Variants in CIMAP2 observed in about 807,000 individuals in gnomAD.
CIMAP2 encodes ciliary microtubule associated protein 2.
the CIMAP2 span, among the ~76,000 whole-genome samples, chr1:54,840,573 T>C: frequency 3.9e-5 from 6 of 152,218 alleles, no homozygotes; most frequent in Non-Finnish European, 5.9e-5. Context: ...TATCTTGAAA[T>C]GGCTGGTCCA....
chr1:54,813,723 C>T, the CIMAP2 span: 2 of 1,380,126 alleles, frequency 1.4e-6, no homozygotes, highest in Non-Finnish European at 2.0e-6. Flanking sequence ...AAGTGATGCC[C>T]CATTGCTTTT....
chr1:54,835,169 T>C, the CIMAP2 span, among the ~76,000 whole-genome samples: 1 of 152,030 alleles, frequency 6.6e-6, no homozygotes, highest in African/African-American at 2.4e-5. Flanking sequence ...ATCTTTAAAA[T>C]GGACAAAGTG....
the CIMAP2 span, among the ~76,000 whole-genome samples, chr1:54,818,457 A>G: frequency 6.7e-6 from 1 of 148,420 alleles, no homozygotes; most frequent in Non-Finnish European, 1.5e-5. Context: ...TCTTGTCCTT[A>G]TCTACCCTAC....
the CIMAP2 span, among the ~76,000 whole-genome samples, chr1:54,824,087 T>G: frequency 0.2 from 30,261 of 152,098 alleles, 3,939 homozygotes; most frequent in African/African-American, 0.36. Context: ...AGTCATGCAA[T>G]CATGGCTCAG....
the CIMAP2 span, chr1:54,816,976 C>T: frequency 6.2e-7 from 1 of 1,614,154 alleles, no homozygotes. Context: ...CTGCCATCCT[C>T]TCCCTGTTGC....
At chr1:54,806,341 G>A in the CIMAP2 span, 3 of 1,050,924 alleles carry the variant, frequency 2.9e-6, no homozygotes, top group South Asian at 1.8e-5. Context: ...GAGCCTGGCG[G>A]GGAGGGGAAC....
chr1:54,827,762 C>T, the CIMAP2 span, among the ~76,000 whole-genome samples: 2 of 152,212 alleles, frequency 1.3e-5, no homozygotes, highest in Non-Finnish European at 2.9e-5. Flanking sequence ...AGCAGCTGCT[C>T]CTGCCTTGGC....
the CIMAP2 span, chr1:54,842,218 G>A: frequency 8.7e-6 from 3 of 346,372 alleles, no homozygotes; most frequent in East Asian, 1.7e-4. Flanking sequence ...AAGCCAGAGT[G>A]CTTGGCTCCT....
At chr1:54,817,183 TG>T in the CIMAP2 span, 1 of 1,592,720 alleles carries the variant, frequency 6.3e-7, no homozygotes. Flanking sequence ...TACTCTGGGG[TG>T]GGCTGGTGGT....
the CIMAP2 span, chr1:54,807,066 C>T: frequency 3.2e-5 from 51 of 1,613,620 alleles, no homozygotes; most frequent in African/African-American, 2.8e-4. Flanking sequence ...ATACTCCACG[C>T]GTTATTCTAC....
At chr1:54,813,748 G>T in the CIMAP2 span, 1 of 1,495,012 alleles carries the variant, frequency 6.7e-7, no homozygotes, top group South Asian at 1.4e-5. Flanking sequence ...GGTTGCGGGG[G>T]AGGGTTGAGA....
the CIMAP2 span, among the ~76,000 whole-genome samples, chr1:54,833,135 T>G: frequency 2.0e-5 from 3 of 152,160 alleles, no homozygotes; most frequent in Non-Finnish European, 2.9e-5. Context: ...CAGGAGCCAG[T>G]CTGATTGCGG....
the CIMAP2 span, chr1:54,806,937 C>T: frequency 5.3e-6 from 8 of 1,510,502 alleles, no homozygotes; most frequent in Non-Finnish European, 7.4e-6. Flanking sequence ...TCCAGAACTG[C>T]CCACGCCAGG....
At chr1:54,829,490 T>C in the CIMAP2 span, among the ~76,000 whole-genome samples, 1 of 152,222 alleles carries the variant, frequency 6.6e-6, no homozygotes, top group African/African-American at 2.4e-5. Context: ...AGAATTATGA[T>C]GCCAGGAGGC....
At chr1:54,811,751 G>C in the CIMAP2 span, 145 of 1,371,220 alleles carry the variant, frequency 1.1e-4, 2 homozygotes, top group African/African-American at 2.0e-3. Flanking sequence ...TCAGCACAAG[G>C]AGTGGTTCTG....
chr1:54,808,612 C>CGGGGT, the CIMAP2 span, among the ~76,000 whole-genome samples: 14 of 67,342 alleles, frequency 2.1e-4, 3 homozygotes, highest in Non-Finnish European at 4.0e-4. Context: ...CAGGTGCTGC[C>CGGGGT]GGGGGAGGGC....
At chr1:54,832,032 A>T in the CIMAP2 span, among the ~76,000 whole-genome samples, 1 of 152,168 alleles carries the variant, frequency 6.6e-6, no homozygotes, top group Non-Finnish European at 1.5e-5. Flanking sequence ...TTTTTTGTAG[A>T]TGGGGTTTCA....
chr1:54,828,508 T>C, the CIMAP2 span, among the ~76,000 whole-genome samples: 1 of 152,152 alleles, frequency 6.6e-6, no homozygotes, highest in South Asian at 2.1e-4. Context: ...ATTTTTCTTT[T>C]TTGGAGAGAG....
chr1:54,822,932 GA>G, the CIMAP2 span, among the ~76,000 whole-genome samples: 2 of 152,134 alleles, frequency 1.3e-5, no homozygotes, highest in Admixed American at 1.3e-4. Flanking sequence ...GTGGTCTGAG[GA>G]GATACTTGGT....
Sources: gnomAD v4.1 joint callset for allele counts (sites outside exome capture counted in the v4.1 genomes callset) on GRCh38, gnomAD v4.1.1 for gene constraint, MANE v1.5 for transcripts, NCBI Gene and HGNC (gene_info 2026-07-23, HGNC 2026-07-21) for gene names.